Variants in CCDC102B observed in about 807,000 individuals in gnomAD.
The protein encoded by CCDC102B is coiled-coil domain-containing protein 102B.
CCDC102B carries 75 observed loss-of-function variants against 57.4 expected under a neutral mutation model. That is an observed-to-expected ratio of 1.31 (90% CI 1.08 to 1.58). CCDC102B has a LOEUF of 1.58. Ranked by LOEUF, CCDC102B falls within the 40% of genes most tolerant of loss-of-function variation. CCDC102B has a pLI of 0.00. For missense variants in CCDC102B, 636 were observed against 582.6 expected, an observed-to-expected ratio of 1.09 and a Z score of -0.94; for synonymous variants, 206 against 201.9, an observed-to-expected ratio of 1.02 and a Z score of -0.17.
chr18:68,797,447 C>T (rs2035671342), upstream of CCDC102B, among the ~76,000 whole-genome samples: 1 of 152,004 alleles, frequency 6.6e-6, no homozygotes, highest in Non-Finnish European at 1.5e-5. Context: ...CATCAGAACA[C>T]TTCCTGACAG....
At chr18:69,020,472 C>T (rs1425197341) in intron 7 of CCDC102B, among the ~76,000 whole-genome samples, 1 of 152,032 alleles carries the variant, frequency 6.6e-6, no homozygotes, top group Non-Finnish European at 1.5e-5. Context: ...ACTATAGTAT[C>T]ATTTTGGAAG....
At chr18:68,865,788 A>G (rs140769714) in intron 4 of CCDC102B, among the ~76,000 whole-genome samples, 14 of 152,290 alleles carry the variant, frequency 9.2e-5, no homozygotes, top group African/African-American at 3.4e-4. Flanking sequence ...GGTGGTTTCT[A>G]ATTTTCTCTT....
intron 2 of CCDC102B, among the ~76,000 whole-genome samples, chr18:68,773,006 A>T (rs687247): frequency 2.0e-3 from 298 of 152,138 alleles, no homozygotes; most frequent in Middle Eastern, 0.01. Context: ...ACAAAGTTTT[A>T]ATTCCTGAGA....
At chr18:68,930,464 AATG>A (rs1456448612) in intron 6 of CCDC102B, among the ~76,000 whole-genome samples, 1 of 151,906 alleles carries the variant, frequency 6.6e-6, no homozygotes, top group African/African-American at 2.4e-5. Flanking sequence ...CACCTCAGAT[AATG>A]ATGATGTGTG....
intron 7 of CCDC102B, among the ~76,000 whole-genome samples, chr18:69,050,469 T>C (rs963503692): frequency 2.6e-5 from 4 of 152,214 alleles, no homozygotes; most frequent in African/African-American, 9.6e-5. Flanking sequence ...GTGCCTTCAC[T>C]GTATAGCCAA....
chr18:68,816,522 A>G (rs2036485963), intron 1 of CCDC102B, among the ~76,000 whole-genome samples: 1 of 140,234 alleles, frequency 7.1e-6, no homozygotes, highest in South Asian at 2.3e-4. Flanking sequence ...CTGGAGTGCA[A>G]AGGCACGATC....
At chr18:68,797,412 A>C (rs573237284), upstream of CCDC102B, among the ~76,000 whole-genome samples, 1 of 151,680 alleles carries the variant, frequency 6.6e-6, no homozygotes, top group East Asian at 2.0e-4. Flanking sequence ...TTTTTATGTG[A>C]TCTCTCGCCT....
At chr18:68,911,700 C>G (rs538454785) in intron 6 of CCDC102B, among the ~76,000 whole-genome samples, 38 of 124,914 alleles carry the variant, frequency 3.0e-4, no homozygotes, top group East Asian at 7.0e-4. Context: ...TGCAGTGAGC[C>G]GAGATCGCGC....
At chr18:68,954,961 C>T (rs2049801073) in intron 6 of CCDC102B, among the ~76,000 whole-genome samples, 1 of 152,160 alleles carries the variant, frequency 6.6e-6, no homozygotes, top group African/African-American at 2.4e-5. Flanking sequence ...AATGACACTA[C>T]AGCCACAGGA....
At chr18:68,965,539 A>G (rs1054320748) in intron 6 of CCDC102B, among the ~76,000 whole-genome samples, 1 of 151,638 alleles carries the variant, frequency 6.6e-6, no homozygotes, top group Non-Finnish European at 1.5e-5. Context: ...TTGTCAGACC[A>G]ACATGGCACA....
At chr18:68,935,534 G>A (rs1599716043) in intron 6 of CCDC102B, among the ~76,000 whole-genome samples, 1 of 151,918 alleles carries the variant, frequency 6.6e-6, no homozygotes, top group South Asian at 2.1e-4. Flanking sequence ...ACCATGTGGC[G>A]ATGTCAAATA....
chr18:68,726,659 T>C (rs746922279), intron 2 of CCDC102B, among the ~76,000 whole-genome samples: 5 of 152,226 alleles, frequency 3.3e-5, no homozygotes, highest in Non-Finnish European at 5.9e-5. Context: ...TGTGCATTCC[T>C]GTAGAATGGT....
intron 4 of CCDC102B, among the ~76,000 whole-genome samples, chr18:68,857,988 G>T (rs984301672): frequency 2.0e-5 from 3 of 152,098 alleles, no homozygotes; most frequent in Non-Finnish European, 2.9e-5. Context: ...TCCACTTCAG[G>T]AAATCTAATC....
chr18:69,006,024 T>C (rs1001438802), intron 6 of CCDC102B, among the ~76,000 whole-genome samples: 11 of 152,134 alleles, frequency 7.2e-5, no homozygotes, highest in African/African-American at 2.4e-4. Context: ...TATGAATATA[T>C]GACATAGTAA....
chr18:68,955,861 G>A (rs150945153), intron 6 of CCDC102B, among the ~76,000 whole-genome samples: 1,854 of 151,702 alleles, frequency 0.012, 20 homozygotes, highest in East Asian at 0.031. Flanking sequence ...ATCACATCAG[G>A]GTAAATAAGG....
chr18:68,991,123 C>T (rs1474244019), intron 6 of CCDC102B, among the ~76,000 whole-genome samples: 8 of 136,262 alleles, frequency 5.9e-5, no homozygotes, highest in Non-Finnish European at 9.2e-5. Context: ...GGCCCTTCTG[C>T]TTTTTTTTTT....
intron 5 of CCDC102B, among the ~76,000 whole-genome samples, chr18:68,890,099 G>C (rs1394609540): frequency 6.6e-6 from 1 of 151,920 alleles, no homozygotes; most frequent in African/African-American, 2.4e-5. Context: ...GATAGAACCA[G>C]TCACATTTAT....
chr18:68,780,225 A>G (rs953089261), intron 2 of CCDC102B, among the ~76,000 whole-genome samples: 31 of 152,150 alleles, frequency 2.0e-4, no homozygotes, highest in Admixed American at 8.5e-4. Flanking sequence ...ATTATATTCT[A>G]TTGAATTTAT....
chr18:68,973,326 G>A (rs749720665), intron 6 of CCDC102B, among the ~76,000 whole-genome samples: 3 of 152,056 alleles, frequency 2.0e-5, no homozygotes, highest in Non-Finnish European at 4.4e-5. Context: ...ATGATTCAGG[G>A]AAATGTATAA....
Sources: gnomAD v4.1 joint callset for allele counts (sites outside exome capture counted in the v4.1 genomes callset) on GRCh38, gnomAD v4.1.1 for gene constraint, MANE v1.5 for transcripts, NCBI Gene and HGNC (gene_info 2026-07-23, HGNC 2026-07-21) for gene names.